PTPN3: variants seen among roughly 807,000 people sequenced by gnomAD.
PTPN3 encodes the protein protein tyrosine phosphatase non-receptor type 3.
Under a neutral mutation model 132.7 loss-of-function variants are expected in PTPN3, and 96 were observed. The observed-to-expected ratio is 0.72, with a 90% CI of 0.61 to 0.86. The LOEUF is 0.86. Ranked by LOEUF, PTPN3 falls within the 40% of genes least tolerant of loss-of-function variation. The pLI, the probability that PTPN3 is intolerant of heterozygous loss-of-function variation, is 0.00. For missense variants in PTPN3, 1,125 were observed against 1,159.6 expected, an observed-to-expected ratio of 0.97 and a Z score of 0.43; for synonymous variants, 398 against 429.0, an observed-to-expected ratio of 0.93 and a Z score of 0.89.
intron 5 of PTPN3, 98 bp from the exon 6 acceptor site, chr9:109,448,953 T>C (rs774445512): frequency 1.2e-5 from 18 of 1,520,388 alleles, no homozygotes; most frequent in Admixed American, 2.4e-5. Context: ...GAGCTGTACA[T>C]GTGAAAGATA....
chr9:109,483,543 T>G (rs938370957), intron 1 of PTPN3, among the ~76,000 whole-genome samples: 3 of 152,126 alleles, frequency 2.0e-5, no homozygotes. Flanking sequence ...CAGAGGACCT[T>G]CCAGGGTGTG....
intron 16 of PTPN3, among the ~76,000 whole-genome samples, chr9:109,408,796 A>AAAAATATATATATATAT (rs1377996219): frequency 5.5e-5 from 6 of 108,356 alleles, no homozygotes; most frequent in African/African-American, 2.2e-4. Flanking sequence ...AAAAAAAAAA[A>AAAAATATATATATATAT]ATATATATAT....
At chr9:109,463,580 G>T in intron 1 of PTPN3, 129 bp from the exon 2 acceptor site, 1 of 747,184 alleles carries the variant, frequency 1.3e-6, no homozygotes. Context: ...GAACTACATA[G>T]CAGATCATGT....
chr9:109,500,074 G>T (rs1005825234), upstream of PTPN3, among the ~76,000 whole-genome samples: 4 of 152,242 alleles, frequency 2.6e-5, no homozygotes, highest in Non-Finnish European at 5.9e-5. Flanking sequence ...TTTCCCCACT[G>T]CCTTATCCTC....
intron 1 of PTPN3, among the ~76,000 whole-genome samples, chr9:109,488,566 C>G (rs1012239490): frequency 6.6e-6 from 1 of 152,208 alleles, no homozygotes; most frequent in African/African-American, 2.4e-5. Flanking sequence ...CACGACTGCA[C>G]TGGACAGTGT....
intron 5 of PTPN3, among the ~76,000 whole-genome samples, chr9:109,451,772 C>T (rs189962882): frequency 5.3e-5 from 8 of 152,282 alleles, no homozygotes; most frequent in East Asian, 1.9e-4. Context: ...TTGCACTGGC[C>T]GTAGGAAACC....
At chr9:109,527,723 G>A in the PTPN3 span, among the ~76,000 whole-genome samples, 2 of 152,168 alleles carry the variant, frequency 1.3e-5, no homozygotes, top group African/African-American at 2.4e-5. Flanking sequence ...AGTATCATAT[G>A]TACCCTTAAA....
intron 21 of PTPN3, among the ~76,000 whole-genome samples, chr9:109,390,862 A>G (rs1403340587): frequency 1.3e-5 from 2 of 152,174 alleles, no homozygotes; most frequent in East Asian, 3.8e-4. Flanking sequence ...CACTCAGTAC[A>G]GGGGCATGTG....
rs1158259516 is a variant in PTPN3, at chr9:109,452,266, C to CAAA, written c.368+2227_368+2229dup. Among the ~76,000 whole-genome samples, 116 of 71,396 alleles carry CAAA rather than the reference C, an allele frequency of 1.6e-3. 2 individuals are homozygous for CAAA. The highest frequency in any genetic ancestry group is 4.2e-3 in the African/African-American group (79 of 18,616). 46.8% of individuals were successfully genotyped at this position (71,396 alleles called of 152,430 possible). Reference sequence around the variant, plus strand: ...CTGGGTGACAGAGCGAGCTCCGTCTCAAAAAAAAAAAAAAAAAAAAAGGAA... The same window carrying CAAA: ...CTGGGTGACAGAGCGAGCTCCGTCTCAAAAAAAAAAAAAAAAAAAAAAAAGGAA... On this transcript the variant is annotated intron_variant, in intron 5 of 25. Coordinates refer to ENST00000374541, the MANE Select transcript of PTPN3 (RefSeq NM_002829.4).
At chr9:109,381,568 G>C (rs1839088735) in intron 25 of PTPN3, 84 bp downstream of exon 25, 1 of 1,540,678 alleles carries the variant, frequency 6.5e-7, no homozygotes, top group South Asian at 1.1e-5. Context: ...GCAGTCTGTT[G>C]ACTCACAAAG....
chr9:109,397,996 G>A (rs948467665), intron 19 of PTPN3, among the ~76,000 whole-genome samples: 6 of 152,184 alleles, frequency 3.9e-5, no homozygotes, highest in African/African-American at 1.2e-4. Flanking sequence ...CTTTTGGGCC[G>A]GGCATGGTGG....
chr9:109,507,202 A>C, the PTPN3 span, among the ~76,000 whole-genome samples: 4 of 152,326 alleles, frequency 2.6e-5, no homozygotes, highest in Middle Eastern at 6.8e-3. Flanking sequence ...ATAAGGATAA[A>C]AGAAAAGGAA....
At chr9:109,423,819 G>T (rs762137868) in intron 12 of PTPN3, among the ~76,000 whole-genome samples, 4 of 152,128 alleles carry the variant, frequency 2.6e-5, no homozygotes, top group Non-Finnish European at 5.9e-5. Context: ...TTTAAACTAG[G>T]ATTTAATGTC....
chr9:109,417,532 G>GTTT (rs34687094), intron 14 of PTPN3: 162 of 804,054 alleles, frequency 2.0e-4, no homozygotes, highest in Non-Finnish European at 2.2e-4. Context: ...TAACCAACAG[G>GTTT]TTTTTTTTTT....
At chr9:109,523,077 T>C in the PTPN3 span, among the ~76,000 whole-genome samples, 1 of 152,084 alleles carries the variant, frequency 6.6e-6, no homozygotes, top group African/African-American at 2.4e-5. Context: ...ATTACGTTCA[T>C]TAAAGTGCCT....
rs146841512 is a variant in PTPN3, at chr9:109,406,556, G to A, written c.1698C>T (p.Asp566=). The change falls in exon 18 of 26, where the codon GAC becomes GAT. Residue 566 remains aspartate, a synonymous_variant. Coordinates refer to ENST00000374541, the MANE Select transcript of PTPN3 (RefSeq NM_002829.4). The part of the protein sequence containing the change: ...GDQIVLINGR[D]ISEHTHDQVV... ...CTTGGTCATGCGTGTGTTCTGAGAT[G>A]TCCCGGCCATTGATTAACACGATTT... 2.3e-4 allele frequency: 377 copies of A among 1,614,078 alleles called. No homozygotes were observed. The highest frequency in any genetic ancestry group is 2.9e-4 in the Non-Finnish European group (340 of 1,180,042).
chr9:109,459,333 G>C (rs1359600491), intron 2 of PTPN3, among the ~76,000 whole-genome samples: 4 of 152,178 alleles, frequency 2.6e-5, no homozygotes. Context: ...GGTGGGCTGG[G>C]CTAAAGAGTC....
chr9:109,377,173 C>T lies in PTPN3; in HGVS notation c.*2383G>A, dbSNP rs1206080345. 2 of 152,178 alleles carry T rather than the reference C, an allele frequency of 1.3e-5. No individual in the cohort carries two copies. The highest frequency in any genetic ancestry group is 2.9e-5 in the Non-Finnish European group (2 of 68,028). The allele number at this position is 152,178 out of a possible 1,614,324, so 9.4% of individuals were successfully genotyped here. On this transcript the variant is annotated 3_prime_UTR_variant, in exon 26 of 26. Transcript: ENST00000374541. ...TTTTGCCAGCGTTCCCTCCATCCCC[C>T]TTTCTTGGAGCTTGCTGAATTTTTG...
intron 10 of PTPN3, among the ~76,000 whole-genome samples, chr9:109,431,065 C>T (rs573932801): frequency 5.3e-4 from 80 of 152,376 alleles, no homozygotes; most frequent in African/African-American, 1.9e-3. Flanking sequence ...CCATCTGGTG[C>T]TGGTCTCCCC....
Sources: allele counts gnomAD v4.1 joint callset (sites outside exome capture counted in the v4.1 genomes callset), GRCh38; gene constraint gnomAD v4.1.1; transcripts MANE v1.5; gene names NCBI Gene and HGNC (gene_info 2026-07-23, HGNC 2026-07-21).